GALNT13: variants seen among roughly 807,000 people sequenced by gnomAD.
GALNT13 encodes the protein polypeptide N-acetylgalactosaminyltransferase 13.
In GALNT13, 28 loss-of-function variants were observed where a neutral mutation model predicts 64.2. The ratio of observed to expected loss-of-function variants is 0.44; its 90% confidence interval spans 0.32 to 0.60. The LOEUF (loss-of-function observed/expected upper bound fraction) is 0.60. GALNT13 is among the 20% of genes least tolerant of loss of function. The probability of loss-of-function intolerance (pLI) is 0.05; values close to 1 mark genes in which losing one functional copy is unlikely to be tolerated. For missense variants in GALNT13, 577 were observed against 669.8 expected, an observed-to-expected ratio of 0.86 and a Z score of 1.53; for synonymous variants, 214 against 224.6, an observed-to-expected ratio of 0.95 and a Z score of 0.42.
At chr2:154,078,223 A>G (rs937035520) in intron 3 of GALNT13, among the ~76,000 whole-genome samples, 1 of 151,608 alleles carries the variant, frequency 6.6e-6, no homozygotes, top group Non-Finnish European at 1.5e-5. Flanking sequence ...ACGTAATTTC[A>G]TTTAAATTCA....
the GALNT13 span, among the ~76,000 whole-genome samples, chr2:153,633,391 T>C: frequency 4.6e-5 from 7 of 152,192 alleles, no homozygotes; most frequent in African/African-American, 1.7e-4. Flanking sequence ...GTCATTTTTT[T>C]CCCATTCAGT....
intron 7 of GALNT13, among the ~76,000 whole-genome samples, chr2:154,247,470 G>A (rs370499148): frequency 3.7e-4 from 56 of 152,036 alleles, no homozygotes; most frequent in African/African-American, 1.1e-3. Flanking sequence ...TGAAAATGCT[G>A]TTTATAAGAA....
chr2:154,097,589 G>GA (rs1235714125), intron 3 of GALNT13, among the ~76,000 whole-genome samples: 2 of 151,736 alleles, frequency 1.3e-5, no homozygotes, highest in Admixed American at 6.6e-5. Flanking sequence ...ATTTAATTAT[G>GA]ACACTTCATC....
At chr2:153,850,184 A>AAAAAAG in the GALNT13 span, among the ~76,000 whole-genome samples, 7 of 6,866 alleles carry the variant, frequency 1.0e-3, no homozygotes, top group Admixed American at 6.2e-3. Flanking sequence ...GTCTAAAAAA[A>AAAAAAG]AAAAAGAAAA....
At chr2:153,568,918 T>G in the GALNT13 span, among the ~76,000 whole-genome samples, 74 of 152,346 alleles carry the variant, frequency 4.9e-4, no homozygotes, top group South Asian at 0.014. Flanking sequence ...AACATTGTTT[T>G]AAAATTCACC....
At chr2:153,468,467 C>G in the GALNT13 span, among the ~76,000 whole-genome samples, 9 of 152,010 alleles carry the variant, frequency 5.9e-5, no homozygotes, top group Non-Finnish European at 1.0e-4. Context: ...CATACAGATA[C>G]GAATTTACTT....
chr2:153,180,603 G>A, the GALNT13 span, among the ~76,000 whole-genome samples: 1 of 152,104 alleles, frequency 6.6e-6, no homozygotes, highest in Non-Finnish European at 1.5e-5. Context: ...TATTGGCATT[G>A]TTCTTTAAAT....
At chr2:153,779,468 A>G in the GALNT13 span, among the ~76,000 whole-genome samples, 1 of 152,208 alleles carries the variant, frequency 6.6e-6, no homozygotes, top group African/African-American at 2.4e-5. Context: ...ATTCCATATT[A>G]CACTTGGATT....
chr2:153,565,721 TTAAG>T, the GALNT13 span, among the ~76,000 whole-genome samples: 1 of 152,330 alleles, frequency 6.6e-6, no homozygotes, highest in Non-Finnish European at 1.5e-5. Flanking sequence ...ATTGATGACA[TTAAG>T]TGAGGACTTA....
intron 4 of GALNT13, among the ~76,000 whole-genome samples, chr2:154,189,742 A>G (rs1380911544): frequency 6.6e-6 from 1 of 152,180 alleles, no homozygotes; most frequent in Non-Finnish European, 1.5e-5. Flanking sequence ...ATCCCAATAA[A>G]TATGTCACTA....
chr2:154,115,029 T>A (rs998607917), intron 3 of GALNT13, among the ~76,000 whole-genome samples: 2 of 152,210 alleles, frequency 1.3e-5, no homozygotes, highest in Non-Finnish European at 1.5e-5. Flanking sequence ...CAGGGTTTTT[T>A]AAAGATGCAG....
chr2:154,286,994 A>T, intron 8 of GALNT13: 1 of 577,550 alleles, frequency 1.7e-6, no homozygotes, highest in Non-Finnish European at 3.2e-6. Flanking sequence ...GCTCACTTTG[A>T]TGCAGGAGAA....
chr2:154,368,100 T>C (rs1476535390), intron 9 of GALNT13, among the ~76,000 whole-genome samples: 2 of 152,168 alleles, frequency 1.3e-5, no homozygotes, highest in Non-Finnish European at 2.9e-5. Context: ...CATCTATATA[T>C]AGCTCCAGTG....
chr2:153,114,204 T>C, the GALNT13 span, among the ~76,000 whole-genome samples: 1 of 152,090 alleles, frequency 6.6e-6, no homozygotes, highest in Non-Finnish European at 1.5e-5. Context: ...GTGCTCAAAA[T>C]AGATTATAGT....
the GALNT13 span, among the ~76,000 whole-genome samples, chr2:153,101,285 C>T: frequency 6.6e-6 from 1 of 152,110 alleles, no homozygotes; most frequent in African/African-American, 2.4e-5. Flanking sequence ...TCAAGTGTAC[C>T]TAGATTCTCC....
chr2:153,858,869 A>T, the GALNT13 span, among the ~76,000 whole-genome samples: 5 of 152,012 alleles, frequency 3.3e-5, no homozygotes, highest in Admixed American at 6.6e-5. Context: ...AGTAGATGGG[A>T]TTACAGGTGC....
the GALNT13 span, among the ~76,000 whole-genome samples, chr2:153,651,231 A>G: frequency 2.0e-5 from 3 of 152,184 alleles, no homozygotes; most frequent in Non-Finnish European, 4.4e-5. Context: ...ATATTAAACA[A>G]GAGTCTAGAG....
chr2:153,607,232 C>G, the GALNT13 span, among the ~76,000 whole-genome samples: 3 of 151,988 alleles, frequency 2.0e-5, no homozygotes, highest in Non-Finnish European at 4.4e-5. Flanking sequence ...GTTAGGCAAG[C>G]TCCTTAGAAG....
the GALNT13 span, among the ~76,000 whole-genome samples, chr2:153,644,999 CAG>C: frequency 6.6e-6 from 1 of 152,046 alleles, no homozygotes; most frequent in Non-Finnish European, 1.5e-5. Flanking sequence ...AAACATTTGT[CAG>C]TGTTTCTTCT....
Sources: allele counts gnomAD v4.1 joint callset (sites outside exome capture counted in the v4.1 genomes callset), GRCh38; gene constraint gnomAD v4.1.1; transcripts MANE v1.5; gene names NCBI Gene and HGNC (gene_info 2026-07-23, HGNC 2026-07-21).